ANO10: variants seen among roughly 807,000 people sequenced by gnomAD.
The protein encoded by ANO10 is anoctamin-10.
In ANO10, 77 loss-of-function variants were observed where a neutral mutation model predicts 74.7. That is an observed-to-expected ratio of 1.03 (90% confidence interval 0.86 to 1.25). The LOEUF (loss-of-function observed/expected upper bound fraction) is 1.25. Among genes scored for constraint, ANO10 ranks in the 50% most tolerant of loss-of-function variants. The probability of loss-of-function intolerance (pLI) is 0.00; values close to 1 mark genes in which losing one functional copy is unlikely to be tolerated. For missense variants in ANO10, 721 were observed against 778.1 expected, an observed-to-expected ratio of 0.93 and a Z score of 0.87; for synonymous variants, 279 against 284.9, an observed-to-expected ratio of 0.98 and a Z score of 0.21.
chr3:43,608,386 C>T (rs1317011728), intron 1 of ANO10, among the ~76,000 whole-genome samples: 1 of 152,106 alleles, frequency 6.6e-6, no homozygotes, highest in Non-Finnish European at 1.5e-5. Flanking sequence ...CACTCTTTTG[C>T]CCAGGCTGGA....
At chr3:43,507,620 A>AG (rs2077343963) in intron 11 of ANO10, among the ~76,000 whole-genome samples, 1 of 152,108 alleles carries the variant, frequency 6.6e-6, no homozygotes. Flanking sequence ...GCTGGACTGC[A>AG]GGAGAGTCAC....
At chr3:43,628,798 G>A (rs2083517078) in intron 1 of ANO10, among the ~76,000 whole-genome samples, 1 of 152,090 alleles carries the variant, frequency 6.6e-6, no homozygotes, top group South Asian at 2.1e-4. Flanking sequence ...AGGCTCATTT[G>A]GAAGAGGAAA....
upstream of ANO10, among the ~76,000 whole-genome samples, chr3:43,624,833 C>T (rs2083477982): frequency 6.6e-6 from 1 of 152,180 alleles, no homozygotes; most frequent in African/African-American, 2.4e-5. Context: ...CAGAATGGCA[C>T]ACAATTTAAA....
intron 12 of ANO10, among the ~76,000 whole-genome samples, chr3:43,373,998 C>T (rs2091711006): frequency 6.6e-6 from 1 of 152,172 alleles, no homozygotes; most frequent in African/African-American, 2.4e-5. Flanking sequence ...ATGGATACCC[C>T]AAATATACAC....
rs112962527 is a variant in ANO10 at position 43,396,496 on chromosome 3, A to G, written c.1915-29522T>C. On this transcript the variant is annotated intron_variant, in intron 12 of 12. Transcript: ENST00000292246. ...TGGGACTACAGGCGCCTGCCACCACACCCGGCTAATTTTTTGTATTTTTAG... is the reference window on the plus strand; with the variant it reads ...TGGGACTACAGGCGCCTGCCACCACGCCCGGCTAATTTTTTGTATTTTTAG... 7.0e-4 allele frequency among the ~76,000 whole-genome samples: 106 copies of G among 150,574 alleles called. 2 individuals carry two copies. The highest frequency in any genetic ancestry group is 2.1e-3 in the African/African-American group (87 of 40,938).
At chr3:43,510,499 G>T (rs2077470558) in intron 11 of ANO10, among the ~76,000 whole-genome samples, 1 of 151,042 alleles carries the variant, frequency 6.6e-6, no homozygotes, top group Admixed American at 6.6e-5. Flanking sequence ...GGGGAAATCT[G>T]AATTAGATCA....
At chr3:43,652,532 A>G (rs1276845828) in intron 1 of ANO10, among the ~76,000 whole-genome samples, 1 of 152,226 alleles carries the variant, frequency 6.6e-6, no homozygotes, top group Non-Finnish European at 1.5e-5. Flanking sequence ...ATTTAAATAT[A>G]ATCATTTTAG....
chr3:43,573,634 T>C (rs1453966338), intron 7 of ANO10, among the ~76,000 whole-genome samples: 4 of 152,128 alleles, frequency 2.6e-5, no homozygotes, highest in Non-Finnish European at 5.9e-5. Flanking sequence ...AAACCCCCGA[T>C]AAATGAGGTG....
chr3:43,565,481 A>AT (rs1309468969), intron 8 of ANO10, among the ~76,000 whole-genome samples, 172 bp downstream of exon 8: 11 of 152,330 alleles, frequency 7.2e-5, no homozygotes, highest in African/African-American at 2.6e-4. Flanking sequence ...TCAGTTGAGC[A>AT]TAATACACAA....
At chr3:43,530,493 A>C (rs1326516288) in intron 11 of ANO10, among the ~76,000 whole-genome samples, 1 of 150,250 alleles carries the variant, frequency 6.7e-6, no homozygotes, top group Non-Finnish European at 1.5e-5. Context: ...ATGCATACAC[A>C]GATATATAAT....
intron 1 of ANO10, among the ~76,000 whole-genome samples, chr3:43,646,916 C>A (rs933354274): frequency 2.0e-5 from 3 of 152,170 alleles, no homozygotes; most frequent in Non-Finnish European, 4.4e-5. Flanking sequence ...ATTATGGAGT[C>A]ATCCCTGAAG....
intron 11 of ANO10, among the ~76,000 whole-genome samples, chr3:43,450,417 T>C (rs1417631139): frequency 1.3e-5 from 2 of 152,224 alleles, no homozygotes; most frequent in East Asian, 1.9e-4. Context: ...GGCGGACACC[T>C]GTAATCCCAG....
intron 11 of ANO10, among the ~76,000 whole-genome samples, chr3:43,484,098 G>C (rs777322487): frequency 6.6e-6 from 1 of 151,852 alleles, no homozygotes; most frequent in Non-Finnish European, 1.5e-5. Context: ...ACTATGCCTG[G>C]GTTTTTTGTT....
intron 1 of ANO10, among the ~76,000 whole-genome samples, chr3:43,678,292 T>C (rs984507865): frequency 1.3e-5 from 2 of 152,166 alleles, no homozygotes; most frequent in East Asian, 1.9e-4. Flanking sequence ...TGTGTATTGC[T>C]TTCATATCAT....
At chr3:43,529,724 ATAT>A (rs2078372500) in intron 11 of ANO10, among the ~76,000 whole-genome samples, 1 of 152,204 alleles carries the variant, frequency 6.6e-6, no homozygotes, top group Admixed American at 6.5e-5. Flanking sequence ...ATAATAAAGG[ATAT>A]TATTTTAAAC....
intron 12 of ANO10, among the ~76,000 whole-genome samples, chr3:43,409,704 C>A (rs1048531123): frequency 3.3e-5 from 5 of 152,104 alleles, no homozygotes; most frequent in African/African-American, 1.2e-4. Flanking sequence ...TGAATTTTTA[C>A]CAGTTACTTT....
chr3:43,640,190 T>C (rs2083657523), intron 1 of ANO10, among the ~76,000 whole-genome samples: 1 of 152,210 alleles, frequency 6.6e-6, no homozygotes, highest in Non-Finnish European at 1.5e-5. Flanking sequence ...AGACCTCTCA[T>C]TGCTGGTTGT....
At chr3:43,449,619 T>C (rs1226273007) in intron 11 of ANO10, among the ~76,000 whole-genome samples, 2 of 151,256 alleles carry the variant, frequency 1.3e-5, no homozygotes, top group Non-Finnish European at 2.9e-5. Context: ...ATAGTAGATC[T>C]ATTTTGGGGC....
chr3:43,619,825 C>G (rs1291803012), intron 1 of ANO10, among the ~76,000 whole-genome samples: 4 of 149,952 alleles, frequency 2.7e-5, no homozygotes, highest in Non-Finnish European at 5.9e-5. Flanking sequence ...GTGACTGCAC[C>G]ACTGCACGCA....
Sources: allele counts gnomAD v4.1 joint callset (sites outside exome capture counted in the v4.1 genomes callset), GRCh38; gene constraint gnomAD v4.1.1; transcripts MANE v1.5; gene names NCBI Gene and HGNC (gene_info 2026-07-23, HGNC 2026-07-21).